The following OPCML variants were observed in gnomAD, a reference collection of about 807,000 sequenced individuals.
The protein encoded by OPCML is opioid-binding protein/cell adhesion molecule.
Under a neutral mutation model 37.8 loss-of-function variants are expected in OPCML, and 13 were observed. The ratio of observed to expected loss-of-function variants is 0.34; its 90% CI spans 0.22 to 0.55. The LOEUF (loss-of-function observed/expected upper bound fraction) is 0.55, where lower values mean the gene tolerates loss of function less well. OPCML is among the 20% of genes least tolerant of loss of function. The probability of loss-of-function intolerance (pLI) is 0.91; values close to 1 mark genes in which losing one functional copy is unlikely to be tolerated. For missense variants in OPCML, 341 were observed against 435.6 expected (o/e 0.78, Z 1.93); for synonymous variants, 176 against 168.8 (o/e 1.04, Z -0.33).
chr11:132,710,964 T>C (rs1015418870), intron 2 of OPCML, among the ~76,000 whole-genome samples: 15 of 152,128 alleles, frequency 9.9e-5, no homozygotes, highest in Non-Finnish European at 1.9e-4. Context: ...CAGTGAAACA[T>C]GGACTTTGCA....
chr11:133,245,462 G>A (rs1940887291), intron 1 of OPCML, among the ~76,000 whole-genome samples: 1 of 152,260 alleles, frequency 6.6e-6, no homozygotes, highest in East Asian at 1.9e-4. Context: ...AGCCATCTGG[G>A]AACTGCTTTT....
intron 1 of OPCML, among the ~76,000 whole-genome samples, chr11:133,119,547 G>T (rs545706348): frequency 6.6e-6 from 1 of 151,988 alleles, no homozygotes; most frequent in Non-Finnish European, 1.5e-5. Context: ...TAACATACTT[G>T]AATATAAACA....
chr11:132,429,543 C>T (rs1476028706), intron 7 of OPCML, among the ~76,000 whole-genome samples: 2 of 152,060 alleles, frequency 1.3e-5, no homozygotes, highest in Non-Finnish European at 2.9e-5. Flanking sequence ...AGGCATGCCC[C>T]GAGCGTTCCC....
chr11:132,846,390 A>T (rs1274651123), intron 2 of OPCML, among the ~76,000 whole-genome samples: 1 of 152,224 alleles, frequency 6.6e-6, no homozygotes, highest in Non-Finnish European at 1.5e-5. Context: ...TTGGCAGATA[A>T]TGTCAGAGTG....
intron 1 of OPCML, among the ~76,000 whole-genome samples, chr11:133,325,811 C>T (rs1290829487): frequency 6.6e-6 from 1 of 152,212 alleles, no homozygotes; most frequent in Non-Finnish European, 1.5e-5. Context: ...TCGACCTCTA[C>T]AGAGCTCATC....
intron 1 of OPCML, among the ~76,000 whole-genome samples, chr11:133,217,077 A>T (rs2136353279): frequency 6.6e-6 from 1 of 151,134 alleles, no homozygotes; most frequent in African/African-American, 2.4e-5. Context: ...TCAACTGGCT[A>T]CACACATCTG....
rs530359008 is a variant in OPCML at position 133,274,542 on chromosome 11, T to C, written c.61+257722A>G. 1.5e-3 allele frequency among the ~76,000 whole-genome samples: 225 copies of C among 152,328 alleles called. 5 individuals are homozygous for C. The highest frequency in any genetic ancestry group is 0.01 in the Middle Eastern group (3 of 294). ...TTCTGAGGCAGCATGGCCCTGCCAG[T>C]GCCCTGGTTTTGAACCTACAGCCTC... On this transcript the variant is annotated intron_variant, in intron 1 of 7. Transcript: ENST00000524381.
intron 1 of OPCML, among the ~76,000 whole-genome samples, chr11:133,025,844 A>C (rs1203465615): frequency 6.9e-6 from 1 of 145,314 alleles, no homozygotes; most frequent in East Asian, 2.0e-4. Flanking sequence ...AGTGATTCTC[A>C]TGCTTTAGCC....
chr11:132,474,215 G>A (rs999845501), intron 4 of OPCML, among the ~76,000 whole-genome samples: 3 of 152,138 alleles, frequency 2.0e-5, no homozygotes, highest in African/African-American at 7.2e-5. Context: ...GATTGGGTCA[G>A]GTAGCCTGCC....
intron 2 of OPCML, among the ~76,000 whole-genome samples, chr11:132,844,122 C>T (rs571367469): frequency 3.3e-5 from 5 of 152,308 alleles, no homozygotes; most frequent in Middle Eastern, 3.4e-3. Context: ...TCATGTAAGA[C>T]GTGACTTGCT....
At chr11:133,458,536 C>A (rs1409124525) in intron 1 of OPCML, among the ~76,000 whole-genome samples, 7 of 97,554 alleles carry the variant, frequency 7.2e-5, no homozygotes, top group Non-Finnish European at 1.2e-4. Flanking sequence ...TGTGTGTATA[C>A]ACATATATAC....
intron 2 of OPCML, chr11:132,771,980 C>T (rs1208534477): frequency 6.6e-6 from 1 of 152,148 alleles, no homozygotes; most frequent in East Asian, 1.9e-4. Context: ...AGGAATAGTC[C>T]CTCTGTTCTC....
At chr11:133,467,620 G>A (rs1412680785) in intron 1 of OPCML, among the ~76,000 whole-genome samples, 1 of 152,078 alleles carries the variant, frequency 6.6e-6, no homozygotes, top group African/African-American at 2.4e-5. Flanking sequence ...TCACTCCATG[G>A]CAGGTTCTTC....
intron 2 of OPCML, among the ~76,000 whole-genome samples, chr11:132,715,065 C>A (rs557685544): frequency 7.2e-5 from 11 of 152,178 alleles, no homozygotes; most frequent in Non-Finnish European, 1.6e-4. Flanking sequence ...GGGCAGGCAG[C>A]TCTCAGACAG....
At position 133,217,477 on chromosome 11, in the gene OPCML, A is replaced by G. The variant is rs564158282; in HGVS notation, c.62-274467T>C. 3.9e-5 allele frequency among the ~76,000 whole-genome samples: 6 copies of G among 152,248 alleles called. No individual in the cohort carries two copies. In the East Asian group the frequency reaches 1.2e-3, roughly 30 times the overall value. Reference sequence around the variant, plus strand: ...GGGCACCCACGGTGTGCTCAGGAGGACATTTCCCATAGGATTGCAGCACCC... The same window carrying G: ...GGGCACCCACGGTGTGCTCAGGAGGGCATTTCCCATAGGATTGCAGCACCC... On this transcript the variant is annotated intron_variant, in intron 1 of 7. Coordinates refer to ENST00000524381, the MANE Select transcript of OPCML (RefSeq NM_001012393.5).
intron 1 of OPCML, among the ~76,000 whole-genome samples, chr11:133,101,620 T>C (rs556806801): frequency 1.3e-5 from 2 of 152,264 alleles, no homozygotes; most frequent in African/African-American, 4.8e-5. Flanking sequence ...TATTGCTGGT[T>C]GGAATGCAAA....
Position 132,591,983 on chromosome 11 carries a change from T to A in OPCML, c.380-62797A>T, listed in dbSNP as rs79402420. On this transcript the variant is annotated intron_variant, in intron 3 of 7. Coordinates refer to ENST00000524381, the MANE Select transcript of OPCML (RefSeq NM_001012393.5). ...GTGAAGAACAGGCAGTGAGAGGAGATGAACACTGGGGAAGAAAGTATAGAT... is the reference window on the plus strand; with the variant it reads ...GTGAAGAACAGGCAGTGAGAGGAGAAGAACACTGGGGAAGAAAGTATAGAT... Among the ~76,000 whole-genome samples, 18 of 152,302 alleles carry A rather than the reference T, an allele frequency of 1.2e-4. No individual in the cohort carries two copies. The East Asian group carries it at 3.3e-3, about 28-fold the overall frequency.
chr11:132,524,420 G>A (rs985220805), intron 4 of OPCML, among the ~76,000 whole-genome samples: 1 of 152,108 alleles, frequency 6.6e-6, no homozygotes, highest in African/African-American at 2.4e-5. Context: ...CCATATGTGT[G>A]AAGGCTGCTA....
At chr11:133,149,259 G>A (rs545037786) in intron 1 of OPCML, among the ~76,000 whole-genome samples, 10 of 152,270 alleles carry the variant, frequency 6.6e-5, no homozygotes, top group African/African-American at 2.4e-4. Flanking sequence ...AACTGGTAAC[G>A]GACGACATTT....
Sources: gnomAD v4.1 joint callset for allele counts (sites outside exome capture counted in the v4.1 genomes callset) on GRCh38, gnomAD v4.1.1 for gene constraint, MANE v1.5 for transcripts, NCBI Gene and HGNC (gene_info 2026-07-23, HGNC 2026-07-21) for gene names.